The following USP47 variants were observed in gnomAD, a reference collection of about 807,000 sequenced individuals.
The protein encoded by USP47 is ubiquitin specific peptidase 47.
USP47 carries 35 observed loss-of-function variants against 165.1 expected under a neutral mutation model. The observed-to-expected ratio is 0.21, with a 90% CI of 0.16 to 0.28. USP47 has a LOEUF of 0.28. Among genes scored for constraint, USP47 ranks in the 10% least tolerant of loss-of-function variants. The probability of loss-of-function intolerance (pLI) is 1.00; values close to 1 mark genes in which losing one functional copy is unlikely to be tolerated. For missense variants in USP47, 1,277 were observed against 1,607.4 expected (o/e 0.79, Z 3.52); for synonymous variants, 531 against 544.5 (o/e 0.98, Z 0.35).
In USP47 at chr11:11,933,891, C is replaced by T. The variant is rs774074407; in HGVS notation, c.1825C>T (p.His609Tyr). The change falls in exon 16 of 28, where the codon CAT becomes TAT. Residue 609 changes from histidine to tyrosine, a missense_variant. His to Tyr is a moderately conservative substitution (Grantham distance 83). Transcript: ENST00000527733. ...AATGATGGAAAATAAATTGGAGGTT[C>T]ATAAGGATAAGACATTAAAGGAAGC... ...QVMMENKLEV[H>Y]KDKTLKEAVE... 6.2e-7 allele frequency: 1 copy of T among 1,609,580 alleles called. No homozygotes were observed. Among genetic ancestry groups the T allele is most frequent in the Admixed American group, 1.7e-5 (1 of 59,828 alleles).
At chr11:11,954,584 G>C (rs1220991743) in intron 25 of USP47, among the ~76,000 whole-genome samples, 1 of 152,204 alleles carries the variant, frequency 6.6e-6, no homozygotes, top group Non-Finnish European at 1.5e-5. Context: ...GGTTATTGAA[G>C]AGAATGTGGT....
At position 11,933,622 on chromosome 11, in the gene USP47, C is replaced by T. The variant is rs1035814493; in HGVS notation, c.1765-209C>T. Among the ~76,000 whole-genome samples, 210 of 152,036 alleles carry T rather than the reference C, an allele frequency of 1.4e-3. 2 individuals carry two copies. The highest frequency in any genetic ancestry group is 5.9e-5 in the Non-Finnish European group (4 of 67,954). ...TGATACATGCTTATAAGGAAACATGCAGTTGTTAAAATTAATGTTTTTGAA... is the reference window on the plus strand; with the variant it reads ...TGATACATGCTTATAAGGAAACATGTAGTTGTTAAAATTAATGTTTTTGAA... On this transcript the variant is annotated intron_variant, in intron 15 of 27. Coordinates refer to ENST00000527733, the MANE Select transcript of USP47 (RefSeq NM_001282659.2).
chr11:11,936,238 A>G (rs1855056195), intron 16 of USP47, 65 bp from the exon 17 acceptor site: 3 of 817,564 alleles, frequency 3.7e-6, no homozygotes, highest in East Asian at 4.3e-5. Context: ...GTGTATTTAT[A>G]TATGTATATA....
intron 10 of USP47, among the ~76,000 whole-genome samples, chr11:11,921,813 C>T (rs919172075): frequency 6.6e-6 from 1 of 151,830 alleles, no homozygotes; most frequent in Non-Finnish European, 1.5e-5. Context: ...TGTTTTGGCT[C>T]AGCTGAAGAA....
At chr11:11,842,839 CTTT>C (rs56251946) in intron 1 of USP47, among the ~76,000 whole-genome samples, 50 of 111,284 alleles carry the variant, frequency 4.5e-4, no homozygotes, top group East Asian at 1.4e-3. Context: ...GAGCTGAACT[CTTT>C]TTTTTTTTTT....
At chr11:11,932,260 A>G (rs1231831895) in intron 14 of USP47, among the ~76,000 whole-genome samples, 1 of 152,186 alleles carries the variant, frequency 6.6e-6, no homozygotes, top group Non-Finnish European at 1.5e-5. Flanking sequence ...GCACCAAGCC[A>G]TGAGGCTTGA....
At chr11:11,873,991 T>C in intron 1 of USP47, 1 of 478,398 alleles carries the variant, frequency 2.1e-6, no homozygotes, top group Admixed American at 4.4e-5. Flanking sequence ...TACCCAATTT[T>C]AATAATAAAA....
At chr11:11,858,273 C>G (rs921460628) in intron 1 of USP47, among the ~76,000 whole-genome samples, 3 of 151,994 alleles carry the variant, frequency 2.0e-5, no homozygotes, top group African/African-American at 7.3e-5. Flanking sequence ...TATAGCCCCT[C>G]CATTTTCTCG....
chr11:11,911,657 G>C (rs1243182319), intron 8 of USP47, among the ~76,000 whole-genome samples: 1 of 152,106 alleles, frequency 6.6e-6, no homozygotes, highest in Admixed American at 6.6e-5. Context: ...TACAATTACA[G>C]TTGCAGACTT....
At chr11:11,865,663 A>T (rs1202247724) in intron 1 of USP47, among the ~76,000 whole-genome samples, 1 of 151,200 alleles carries the variant, frequency 6.6e-6, no homozygotes, top group African/African-American at 2.4e-5. Flanking sequence ...ATCCTTACCA[A>T]CACTTTTTAT....
intron 17 of USP47, 119 bp from the exon 18 acceptor site, chr11:11,938,138 A>C: frequency 1.3e-6 from 1 of 742,500 alleles, no homozygotes; most frequent in Non-Finnish European, 2.2e-6. Context: ...TGTTGTTTTC[A>C]TCTGTACTTG....
intron 8 of USP47, among the ~76,000 whole-genome samples, chr11:11,917,205 T>A (rs1441519916): frequency 6.6e-6 from 1 of 152,134 alleles, no homozygotes; most frequent in Admixed American, 6.5e-5. Flanking sequence ...ATGCAAATCC[T>A]GCCAACAGAG....
chr11:11,954,769 TTTC>T (rs1211459578), intron 25 of USP47, 125 bp from the exon 26 acceptor site: 5 of 1,103,038 alleles, frequency 4.5e-6, no homozygotes, highest in Non-Finnish European at 6.3e-6. Flanking sequence ...CTTTCTGCTT[TTTC>T]TTAATTTTTT....
chr11:11,853,812 C>T (rs913026947), intron 1 of USP47, among the ~76,000 whole-genome samples: 4 of 152,096 alleles, frequency 2.6e-5, no homozygotes, highest in Admixed American at 2.0e-4. Flanking sequence ...TTTTGATGTT[C>T]TTTAAAACAT....
intron 20 of USP47, among the ~76,000 whole-genome samples, chr11:11,944,426 C>G (rs2134807048): frequency 6.6e-6 from 1 of 152,194 alleles, no homozygotes; most frequent in African/African-American, 2.4e-5. Flanking sequence ...ATATATCTTG[C>G]AGAAACTCAA....
At chr11:11,947,897 G>C in intron 20 of USP47, 48 bp from the exon 21 acceptor site, 1 of 1,549,464 alleles carries the variant, frequency 6.5e-7, no homozygotes, top group Non-Finnish European at 8.7e-7. Context: ...ATACTCAGAG[G>C]TTTCTTTTAC....
chr11:11,902,419 C>G (rs141746342), intron 5 of USP47, among the ~76,000 whole-genome samples: 1 of 152,116 alleles, frequency 6.6e-6, no homozygotes, highest in African/African-American at 2.4e-5. Flanking sequence ...ATAATTAGGA[C>G]AGAGGTTATG....
At chr11:11,954,319 G>T (rs1013028533) in intron 25 of USP47, among the ~76,000 whole-genome samples, 4 of 152,002 alleles carry the variant, frequency 2.6e-5, no homozygotes, top group African/African-American at 9.7e-5. Context: ...GCCCTGGCTG[G>T]AATGCAGTGG....
chr11:11,846,516 C>G (rs1235134455), intron 1 of USP47, among the ~76,000 whole-genome samples: 2 of 151,994 alleles, frequency 1.3e-5, no homozygotes, highest in African/African-American at 4.8e-5. Flanking sequence ...TTCTTTATCT[C>G]TGGGTTTTTT....
Sources: gnomAD v4.1 joint callset for allele counts (sites outside exome capture counted in the v4.1 genomes callset) on GRCh38, gnomAD v4.1.1 for gene constraint, MANE v1.5 for transcripts, NCBI Gene and HGNC (gene_info 2026-07-23, HGNC 2026-07-21) for gene names.